HHLA2: variants seen among roughly 807,000 people sequenced by gnomAD.
HHLA2 encodes the protein HHLA2 member of B7 family.
A neutral mutation model predicts 45.9 loss-of-function variants in HHLA2; 48 were observed. The observed-to-expected ratio is 1.05, with a 90% confidence interval of 0.83 to 1.33. The LOEUF (loss-of-function observed/expected upper bound fraction) is 1.33. Ranked by LOEUF, HHLA2 falls within the 40% of genes most tolerant of loss-of-function variation. The pLI is 0.00. For synonymous variants in HHLA2, 161 were observed against 173.9 expected, an observed-to-expected ratio of 0.93 and a Z score of 0.59; for missense variants, 462 against 494.3, an observed-to-expected ratio of 0.93 and a Z score of 0.62.
chr3:108,373,087 A>G (rs2082208818), intron 8 of HHLA2, among the ~76,000 whole-genome samples: 1 of 152,250 alleles, frequency 6.6e-6, no homozygotes, highest in Non-Finnish European at 1.5e-5. Context: ...TCAATAAAAT[A>G]TTGGCAAACC....
chr3:108,376,487 C>G lies in HHLA2; in HGVS notation c.1160-6C>G, dbSNP rs367804995. The G allele has an allele frequency of 6.3e-7, 1 of 1,586,488 alleles. No individual in the cohort carries two copies. The highest frequency in any genetic ancestry group is 2.2e-5 in the East Asian group (1 of 44,614). On this transcript the variant is annotated splice_polypyrimidine_tract_variant and splice_region_variant and intron_variant, in intron 9 of 10. Coordinates refer to ENST00000619531, the Ensembl canonical transcript of HHLA2. ...TATTTTTAAGTTCTCTTTTTTTTTCCTGTAGAAAGATGTTGTGTCCCTCCT... is the reference window on the plus strand; with the variant it reads ...TATTTTTAAGTTCTCTTTTTTTTTCGTGTAGAAAGATGTTGTGTCCCTCCT...
At chr3:108,310,162 C>T (rs1165578901) in intron 1 of HHLA2, among the ~76,000 whole-genome samples, 2 of 151,946 alleles carry the variant, frequency 1.3e-5, no homozygotes, top group African/African-American at 4.8e-5. Flanking sequence ...TATTCTTATA[C>T]CGCTTATATT....
intron 2 of HHLA2, among the ~76,000 whole-genome samples, chr3:108,315,120 C>A (rs1289314533): frequency 2.0e-5 from 3 of 152,182 alleles, no homozygotes; most frequent in Admixed American, 2.0e-4. Flanking sequence ...GAGGCTCTCA[C>A]CCTGTGGAAT....
At chr3:108,305,648 G>T (rs1185648358) in intron 1 of HHLA2, among the ~76,000 whole-genome samples, 1 of 152,094 alleles carries the variant, frequency 6.6e-6, no homozygotes, top group East Asian at 1.9e-4. Context: ...CCAGGTACAT[G>T]CCTGGTTGGC....
intron 1 of HHLA2, among the ~76,000 whole-genome samples, chr3:108,303,104 A>G (rs1012838266): frequency 7.2e-5 from 11 of 152,192 alleles, no homozygotes; most frequent in African/African-American, 2.7e-4. Context: ...TTTCTGTATC[A>G]ACTTTTCCTA....
chr3:108,309,781 T>A (rs1210942110), intron 1 of HHLA2, among the ~76,000 whole-genome samples: 1 of 152,120 alleles, frequency 6.6e-6, no homozygotes, highest in Admixed American at 6.5e-5. Context: ...ATTATAAAAT[T>A]ACTATTTTTT....
intron 3 of HHLA2, among the ~76,000 whole-genome samples, chr3:108,332,551 G>A (rs1205984235): frequency 1.3e-5 from 2 of 152,134 alleles, no homozygotes; most frequent in Non-Finnish European, 2.9e-5. Context: ...CAGTAGAGTT[G>A]CTGAGACAAA....
chr3:108,357,029 C>G (rs1281825892), intron 6 of HHLA2, among the ~76,000 whole-genome samples: 1 of 152,038 alleles, frequency 6.6e-6, no homozygotes, highest in Non-Finnish European at 1.5e-5. Flanking sequence ...AGAGGGAGGC[C>G]AAAAACAGAT....
intron 3 of HHLA2, among the ~76,000 whole-genome samples, chr3:108,343,091 TA>T (rs2081603773): frequency 2.0e-5 from 3 of 152,330 alleles, no homozygotes; most frequent in Admixed American, 1.3e-4. Context: ...GCAAGGATGT[TA>T]AAACTTTCTG....
chr3:108,320,516 T>G (rs1360262997), intron 2 of HHLA2, among the ~76,000 whole-genome samples: 1 of 152,242 alleles, frequency 6.6e-6, no homozygotes, highest in Non-Finnish European at 1.5e-5. Context: ...TACTTCTTCA[T>G]GCCTCCCCTC....
At chr3:108,305,232 T>A (rs2080910559) in intron 1 of HHLA2, among the ~76,000 whole-genome samples, 1 of 152,102 alleles carries the variant, frequency 6.6e-6, no homozygotes. Context: ...TTTGGGAGGT[T>A]AAAAACTCAG....
At chr3:108,368,263 T>A (rs2082100460) in intron 8 of HHLA2, among the ~76,000 whole-genome samples, 1 of 151,788 alleles carries the variant, frequency 6.6e-6, no homozygotes, top group South Asian at 2.1e-4. Context: ...AACACCATAA[T>A]ATAAAGACCA....
At chr3:108,305,722 C>A (rs972784201) in intron 1 of HHLA2, among the ~76,000 whole-genome samples, 1 of 152,152 alleles carries the variant, frequency 6.6e-6, no homozygotes, top group Non-Finnish European at 1.5e-5. Flanking sequence ...CTCAACAGAG[C>A]CTCACAGTGA....
At chr3:108,353,389 A>G (rs536836404) in intron 4 of HHLA2, 38 bp from the exon 4 acceptor site, 3 of 1,337,580 alleles carry the variant, frequency 2.2e-6, no homozygotes, top group Admixed American at 4.3e-5. Flanking sequence ...AGCACATGGC[A>G]TTAATTCTCT....
intron 3 of HHLA2, among the ~76,000 whole-genome samples, chr3:108,341,955 G>A (rs987772811): frequency 2.0e-5 from 3 of 152,162 alleles, no homozygotes; most frequent in Non-Finnish European, 4.4e-5. Flanking sequence ...GTAGAGGGAC[G>A]GGGTTTGCCA....
chr3:108,313,309 C>A (rs1462724513), intron 2 of HHLA2, among the ~76,000 whole-genome samples: 1 of 151,988 alleles, frequency 6.6e-6, no homozygotes, highest in South Asian at 2.1e-4. Flanking sequence ...GGGAGTGAAA[C>A]CAGCAGTGAG....
intron 3 of HHLA2, among the ~76,000 whole-genome samples, chr3:108,340,372 T>C (rs918149537): frequency 2.0e-5 from 3 of 152,200 alleles, no homozygotes; most frequent in Admixed American, 6.5e-5. Flanking sequence ...ATGCCCCACT[T>C]AAAGAAATCT....
intron 3 of HHLA2, among the ~76,000 whole-genome samples, chr3:108,342,101 CAGA>C (rs1223041655): frequency 1.3e-5 from 2 of 152,182 alleles, no homozygotes; most frequent in African/African-American, 4.8e-5. Flanking sequence ...CACAGCTTGA[CAGA>C]GGAGTTGTTA....
intron 3 of HHLA2, among the ~76,000 whole-genome samples, chr3:108,341,579 TTTG>T (rs1184797407): frequency 7.0e-6 from 1 of 143,520 alleles, no homozygotes; most frequent in Non-Finnish European, 1.5e-5. Flanking sequence ...AAAGGAGACA[TTTG>T]TTTTTCATTG....
Sources: gnomAD v4.1 joint callset for allele counts (sites outside exome capture counted in the v4.1 genomes callset) on GRCh38, gnomAD v4.1.1 for gene constraint, MANE v1.5 for transcripts, NCBI Gene and HGNC (gene_info 2026-07-23, HGNC 2026-07-21) for gene names.